CSMD1: variants seen among roughly 807,000 people sequenced by gnomAD.
CSMD1 encodes the protein CUB and sushi domain-containing protein 1.
Under a neutral mutation model 417.5 loss-of-function variants are expected in CSMD1, and 213 were observed. The observed-to-expected ratio is 0.51, with a 90% CI of 0.46 to 0.57. The LOEUF is 0.57. CSMD1 is among the 20% of genes least tolerant of loss of function. CSMD1 has a pLI of 0.00. For missense variants in CSMD1, 6,923 were observed against 4,529.7 expected, an observed-to-expected ratio of 1.53 and a Z score of -15.17; for synonymous variants, 2,862 against 1,736.8, an observed-to-expected ratio of 1.65 and a Z score of -16.11.
intron 1 of CSMD1, among the ~76,000 whole-genome samples, chr8:4,719,333 C>G (rs933152926): frequency 1.3e-5 from 2 of 151,862 alleles, no homozygotes; most frequent in Non-Finnish European, 2.9e-5. Context: ...TAATCTATTT[C>G]CTTCTCTCTC....
intron 3 of CSMD1, among the ~76,000 whole-genome samples, chr8:4,033,113 C>T (rs551308903): frequency 1.5e-4 from 17 of 112,100 alleles, no homozygotes; most frequent in Admixed American, 8.2e-4. Flanking sequence ...TTAACTCTTG[C>T]AATTAATTTC....
In CSMD1 at chr8:3,772,085, T is replaced by A. The variant is rs571365462; in HGVS notation, c.819-18043A>T. Among the ~76,000 whole-genome samples the A allele has an allele frequency of 4.0e-5, 6 of 150,962 alleles. No homozygotes were observed. The East Asian group carries it at 9.8e-4, about 25-fold the overall frequency. On this transcript the variant is annotated intron_variant, in intron 5 of 69. Transcript: ENST00000635120. ...GCCATTATGCTACCAATCCAGGCGG[T>A]TGATATTAGGGTGATTTTGTGTGAG...
At chr8:4,113,811 A>T (rs1801987518) in intron 3 of CSMD1, among the ~76,000 whole-genome samples, 1 of 152,186 alleles carries the variant, frequency 6.6e-6, no homozygotes, top group Non-Finnish European at 1.5e-5. Flanking sequence ...CAGCTACAAC[A>T]TTCCCTTAAA....
chr8:4,316,711 T>C (rs564248521), intron 3 of CSMD1, among the ~76,000 whole-genome samples: 6 of 152,100 alleles, frequency 3.9e-5, no homozygotes, highest in Admixed American at 3.3e-4. Context: ...TGTTTCAAAA[T>C]AATGGGATTT....
intron 1 of CSMD1, among the ~76,000 whole-genome samples, chr8:4,843,427 G>C (rs1170974896): frequency 2.1e-5 from 3 of 143,854 alleles, no homozygotes; most frequent in Non-Finnish European, 3.0e-5. Context: ...AGTACATTTG[G>C]AGAGATTACA....
At chr8:4,462,972 A>T (rs1018030818) in intron 2 of CSMD1, among the ~76,000 whole-genome samples, 1 of 152,218 alleles carries the variant, frequency 6.6e-6, no homozygotes, top group Non-Finnish European at 1.5e-5. Flanking sequence ...TCAAAATTTT[A>T]AACTTTGTAT....
chr8:4,895,952 T>G (rs731109), intron 1 of CSMD1, among the ~76,000 whole-genome samples: 1 of 151,686 alleles, frequency 6.6e-6, no homozygotes, highest in Non-Finnish European at 1.5e-5. Flanking sequence ...CATCCCTCCA[T>G]TTTCAGACCT....
At chr8:3,960,814 C>A (rs1373639600) in intron 5 of CSMD1, among the ~76,000 whole-genome samples, 1 of 151,750 alleles carries the variant, frequency 6.6e-6, no homozygotes, top group Non-Finnish European at 1.5e-5. Flanking sequence ...ATTATTTTTA[C>A]TGAATTAAAA....
chr8:3,156,153 C>G (rs1184925349), intron 39 of CSMD1, among the ~76,000 whole-genome samples: 1 of 152,204 alleles, frequency 6.6e-6, no homozygotes, highest in Non-Finnish European at 1.5e-5. Context: ...TTTAAAATAG[C>G]TAATGTTCAT....
At chr8:4,467,461 C>T (rs935441224) in intron 2 of CSMD1, among the ~76,000 whole-genome samples, 4 of 152,210 alleles carry the variant, frequency 2.6e-5, no homozygotes, top group African/African-American at 7.2e-5. Flanking sequence ...TTAATCTTGG[C>T]TGTCTTTGTG....
chr8:4,084,989 C>G (rs62501304), intron 3 of CSMD1, among the ~76,000 whole-genome samples: 1 of 151,714 alleles, frequency 6.6e-6, no homozygotes, highest in Admixed American at 6.6e-5. Context: ...CCACAGCAGG[C>G]GCGTGACAGG....
intron 5 of CSMD1, among the ~76,000 whole-genome samples, chr8:3,903,364 A>T (rs947613375): frequency 2.2e-4 from 34 of 152,138 alleles, no homozygotes; most frequent in African/African-American, 8.0e-4. Flanking sequence ...ACAGGGTTCA[A>T]CAAAACAATT....
intron 54 of CSMD1, among the ~76,000 whole-genome samples, chr8:2,995,201 CA>C (rs1190413710): frequency 6.6e-6 from 1 of 151,960 alleles, no homozygotes; most frequent in East Asian, 1.9e-4. Context: ...AAAAAGCAAA[CA>C]AAAAAATCCA....
chr8:3,629,092 G>A (rs771745328), intron 7 of CSMD1, among the ~76,000 whole-genome samples: 1 of 152,122 alleles, frequency 6.6e-6, no homozygotes, highest in Non-Finnish European at 1.5e-5. Flanking sequence ...AGAAGTCGGG[G>A]GAAGAAGGGG....
chr8:4,914,185 G>C (rs973843385), intron 1 of CSMD1, among the ~76,000 whole-genome samples: 2 of 152,190 alleles, frequency 1.3e-5, no homozygotes, highest in South Asian at 2.1e-4. Flanking sequence ...ACGGAGTCAT[G>C]AGACTCTATA....
chr8:4,164,319 T>A (rs1485183899), intron 3 of CSMD1, among the ~76,000 whole-genome samples: 1 of 152,190 alleles, frequency 6.6e-6, no homozygotes, highest in Non-Finnish European at 1.5e-5. Context: ...CATCTACATT[T>A]AAAAACATAT....
At position 4,167,392 on chromosome 8, in the gene CSMD1, T is replaced by G. The variant is rs140487056; in HGVS notation, c.416-135293A>C. Among the ~76,000 whole-genome samples, 14 of 152,276 alleles carry G rather than the reference T, an allele frequency of 9.2e-5. No individual in the cohort carries two copies. In the East Asian group the frequency reaches 2.7e-3, roughly 29 times the overall value. On this transcript the variant is annotated intron_variant, in intron 3 of 69. Coordinates refer to ENST00000635120, the MANE Select transcript of CSMD1 (RefSeq NM_033225.6). Reference sequence around the variant, plus strand: ...ATTTAAATAACAAACTATGTTAAATTTCATAGGCTAAAGTGTTCATGTAAA... The same window carrying G: ...ATTTAAATAACAAACTATGTTAAATGTCATAGGCTAAAGTGTTCATGTAAA...
Position 3,096,993 on chromosome 8 carries a change from T to G in CSMD1, c.6994A>C (p.Ile2332Leu), listed in dbSNP as rs773844457. The G allele has an allele frequency of 1.7e-5, 27 of 1,555,672 alleles. No individual in the cohort carries two copies. The highest frequency in any genetic ancestry group is 2.3e-5 in the Non-Finnish European group (26 of 1,148,896). Residue 2332 changes from isoleucine (I) to leucine (L), a missense_variant, in exon 47 of 70, where the codon ATT becomes CTT. Ile to Leu is a conservative substitution (Grantham distance 5). Coordinates refer to ENST00000635120, the MANE Select transcript of CSMD1 (RefSeq NM_033225.6). ...NEVRTGSSGV[I>L]LSPGYPGNYF... ...TTACCCGGATACCCTGGACTGAGAA[T>G]GACTCCCGATGATCCAGTCCGGACT... is the stretch of plus-strand genomic sequence containing the variant.
At chr8:4,986,578 G>C (rs189783682) in intron 1 of CSMD1, among the ~76,000 whole-genome samples, 4 of 152,076 alleles carry the variant, frequency 2.6e-5, no homozygotes, top group Middle Eastern at 3.4e-3. Context: ...AATGATATCA[G>C]AGTATACTAA....
Sources: gnomAD v4.1 joint callset for allele counts (sites outside exome capture counted in the v4.1 genomes callset) on GRCh38, gnomAD v4.1.1 for gene constraint, MANE v1.5 for transcripts, NCBI Gene and HGNC (gene_info 2026-07-23, HGNC 2026-07-21) for gene names.